ST18: variants seen among roughly 807,000 people sequenced by gnomAD.
The protein encoded by ST18 is ST18 C2H2C-type zinc finger transcription factor, also known as suppression of tumorigenicity 18 protein.
ST18 carries 50 observed loss-of-function variants against 110.0 expected under a neutral mutation model. The observed-to-expected ratio is 0.45, with a 90% CI of 0.36 to 0.58. The LOEUF is 0.58. Among genes scored for constraint, ST18 ranks in the 20% least tolerant of loss-of-function variants. The pLI, the probability that ST18 is intolerant of heterozygous loss-of-function variation, is 0.00. For missense variants in ST18, 1,306 were observed against 1,280.1 expected (o/e 1.02, Z -0.31); for synonymous variants, 461 against 452.4 (o/e 1.02, Z -0.24).
intron 15 of ST18, among the ~76,000 whole-genome samples, chr8:52,155,754 A>C (rs2059864043): frequency 6.6e-6 from 1 of 152,148 alleles, no homozygotes; most frequent in African/African-American, 2.4e-5. Flanking sequence ...CTTCTACAAG[A>C]TCATTTGCAA....
chr8:52,372,469 G>T (rs1830624612), intron 2 of ST18, among the ~76,000 whole-genome samples: 1 of 152,174 alleles, frequency 6.6e-6, no homozygotes, highest in African/African-American at 2.4e-5. Flanking sequence ...TGTTTCTAAA[G>T]TCTACAGCAG....
intron 13 of ST18, among the ~76,000 whole-genome samples, chr8:52,163,514 C>G (rs566113919): frequency 5.5e-4 from 84 of 152,152 alleles, no homozygotes; most frequent in African/African-American, 2.0e-3. Context: ...TAATAGCTGT[C>G]AATCATGGAA....
chr8:52,227,420 G>C (rs2089868527), intron 3 of ST18, among the ~76,000 whole-genome samples: 1 of 152,104 alleles, frequency 6.6e-6, no homozygotes, highest in African/African-American at 2.4e-5. Context: ...ACTTAGACCA[G>C]ACTGGAGAAG....
chr8:52,341,825 C>A (rs1815159844), intron 2 of ST18, among the ~76,000 whole-genome samples: 2 of 152,162 alleles, frequency 1.3e-5, no homozygotes, highest in African/African-American at 2.4e-5. Context: ...GCCTCTGCCC[C>A]TTAGGCTCCC....
At chr8:52,190,800 G>T (rs1412509516) in intron 8 of ST18, among the ~76,000 whole-genome samples, 2 of 152,190 alleles carry the variant, frequency 1.3e-5, no homozygotes, top group Non-Finnish European at 2.9e-5. Context: ...GAACAGAGAA[G>T]CAGGAGGTGG....
chr8:52,162,105 G>A (rs988013189), intron 13 of ST18, among the ~76,000 whole-genome samples: 2 of 152,158 alleles, frequency 1.3e-5, no homozygotes, highest in Admixed American at 1.3e-4. Context: ...CAGCTACTCA[G>A]GAGGCTGAGG....
At chr8:52,165,520 G>A (rs2062691440) in intron 11 of ST18, among the ~76,000 whole-genome samples, 1 of 152,206 alleles carries the variant, frequency 6.6e-6, no homozygotes, top group Non-Finnish European at 1.5e-5. Context: ...CCCATCACCT[G>A]AATGTGATTT....
intron 2 of ST18, among the ~76,000 whole-genome samples, chr8:52,380,447 G>A (rs531678206): frequency 1.2e-3 from 183 of 152,126 alleles, no homozygotes; most frequent in Admixed American, 3.9e-3. Context: ...GAAAGTATAC[G>A]AGGAATTTTC....
At chr8:52,286,475 T>A (rs925237867) in intron 2 of ST18, among the ~76,000 whole-genome samples, 1 of 152,180 alleles carries the variant, frequency 6.6e-6, no homozygotes, top group Non-Finnish European at 1.5e-5. Context: ...ATGATGCTTT[T>A]CAAGCTGTCT....
chr8:52,238,289 A>G (rs2092958708), intron 2 of ST18, among the ~76,000 whole-genome samples: 1 of 152,228 alleles, frequency 6.6e-6, no homozygotes, highest in South Asian at 2.1e-4. Flanking sequence ...TACTCACAGT[A>G]GCCAAAAATT....
At chr8:52,275,533 T>C (rs369119319) in intron 2 of ST18, among the ~76,000 whole-genome samples, 4 of 152,204 alleles carry the variant, frequency 2.6e-5, no homozygotes, top group African/African-American at 9.6e-5. Flanking sequence ...GAAATGCAAG[T>C]GCACAGAAAG....
At chr8:52,340,382 CAG>C (rs1481190440) in intron 2 of ST18, among the ~76,000 whole-genome samples, 10 of 152,336 alleles carry the variant, frequency 6.6e-5, no homozygotes, top group South Asian at 2.1e-4. Context: ...TATGAATAAA[CAG>C]AGAACTACTC....
intron 8 of ST18, among the ~76,000 whole-genome samples, chr8:52,185,564 C>T (rs2071745599): frequency 6.6e-6 from 1 of 151,976 alleles, no homozygotes. Flanking sequence ...ATTATTGGTG[C>T]AAATATTAAA....
At chr8:52,211,926 G>A (rs777705585) in intron 8 of ST18, among the ~76,000 whole-genome samples, 153 bp downstream of exon 8, 2 of 151,946 alleles carry the variant, frequency 1.3e-5, no homozygotes, top group African/African-American at 2.4e-5. Context: ...ATTCTCCTCC[G>A]CCTTCTTGGT....
chr8:52,193,937 C>T (rs1048192215), intron 8 of ST18, among the ~76,000 whole-genome samples: 9 of 152,236 alleles, frequency 5.9e-5, no homozygotes, highest in Admixed American at 1.3e-4. Flanking sequence ...ATAAATTCAG[C>T]GACTAATAAG....
intron 2 of ST18, among the ~76,000 whole-genome samples, chr8:52,321,142 T>A (rs1312700721): frequency 6.6e-6 from 1 of 152,188 alleles, no homozygotes; most frequent in African/African-American, 2.4e-5. Flanking sequence ...TATGCCTATA[T>A]GCATGTGTGC....
At chr8:52,367,893 G>C (rs1366119348) in intron 2 of ST18, among the ~76,000 whole-genome samples, 2 of 152,248 alleles carry the variant, frequency 1.3e-5, no homozygotes, top group Admixed American at 1.3e-4. Context: ...TTGTTTTCTT[G>C]ACCTTTTAAG....
intron 2 of ST18, among the ~76,000 whole-genome samples, chr8:52,362,565 T>A (rs1279341979): frequency 1.3e-5 from 2 of 152,162 alleles, no homozygotes; most frequent in African/African-American, 4.8e-5. Context: ...AATTAACACT[T>A]AGGGCAATGT....
chr8:52,116,456 T>C lies in ST18; in HGVS notation c.2860-38A>G, dbSNP rs1418669475. On this transcript the variant is annotated intron_variant, in intron 24 of 25. Coordinates refer to ENST00000689386, the MANE Select transcript of ST18 (RefSeq NM_001352837.2). ...TAACTTGGGAATGTGAGTAGTGGAG[T>C]TTGGAAGGAGTGTAAAAGGTTTCTC... The C allele has an allele frequency of 2.5e-6, 4 of 1,591,100 alleles. No homozygotes were observed. The East Asian group carries it at 6.8e-5, about 27-fold the overall frequency.
Sources: gnomAD v4.1 joint callset for allele counts (sites outside exome capture counted in the v4.1 genomes callset) on GRCh38, gnomAD v4.1.1 for gene constraint, MANE v1.5 for transcripts, NCBI Gene and HGNC (gene_info 2026-07-23, HGNC 2026-07-21) for gene names.